The following TCAF1 variants were observed in gnomAD, a reference collection of about 807,000 sequenced individuals.
TCAF1 encodes the protein TRPM8 channel associated factor 1.
In TCAF1, 4 loss-of-function variants were observed where a neutral mutation model predicts 27.3. That is an observed-to-expected ratio of 0.15 (90% CI 0.07 to 0.34). The LOEUF (loss-of-function observed/expected upper bound fraction) is 0.34, where lower values mean the gene tolerates loss of function less well. Ranked by LOEUF, TCAF1 falls within the 10% of genes least tolerant of loss-of-function variation. The pLI, the probability that TCAF1 is intolerant of heterozygous loss-of-function variation, is 1.00. For synonymous variants in TCAF1, 105 were observed against 167.1 expected (o/e 0.63, Z 2.87); for missense variants, 257 against 425.8 (o/e 0.60, Z 3.49).
chr7:143,885,450 G>A (rs984233016), intron 1 of TCAF1: 1 of 985,428 alleles, frequency 1.0e-6, no homozygotes, highest in South Asian at 4.7e-5. Flanking sequence ...GACCGCAGAG[G>A]CCCGGCTTTG....
intron 2 of TCAF1, among the ~76,000 whole-genome samples, chr7:143,875,495 A>G (rs570474304): frequency 1.8e-4 from 28 of 152,108 alleles, no homozygotes; most frequent in South Asian, 1.0e-3. Context: ...TTTAGCACAT[A>G]TAACTTGAAC....
intron 1 of TCAF1, 56 bp downstream of exon 1, chr7:143,901,905 C>G (rs907988773): frequency 1.3e-5 from 2 of 152,252 alleles, no homozygotes; most frequent in Non-Finnish European, 2.9e-5. Flanking sequence ...ACGCCCGGCC[C>G]TCCCCAGACG....
rs563780021 is a variant in TCAF1 at position 143,892,126 on chromosome 7, T to C, written c.-15+9835A>G. Among the ~76,000 whole-genome samples, 5 of 152,200 alleles carry C rather than the reference T, an allele frequency of 3.3e-5. 1 individual carries two copies. The highest frequency in any genetic ancestry group is 9.6e-5 in the African/African-American group (4 of 41,558). On this transcript the variant is annotated intron_variant, in intron 1 of 8. Transcript: ENST00000479870. Reference sequence around the variant, plus strand: ...AATTTTTTATGAAAATTATTCCTCATAGAAGTACAGTGCTGTAGGAATTAA... The same window carrying C: ...AATTTTTTATGAAAATTATTCCTCACAGAAGTACAGTGCTGTAGGAATTAA...
intron 1 of TCAF1, among the ~76,000 whole-genome samples, chr7:143,892,932 C>T (rs1813712535): frequency 6.6e-6 from 1 of 152,124 alleles, no homozygotes; most frequent in Non-Finnish European, 1.5e-5. Context: ...TGTTGTTTAA[C>T]CACCAGTCTA....
At chr7:143,884,883 G>A in intron 1 of TCAF1, 1 of 493,436 alleles carries the variant, frequency 2.0e-6, no homozygotes. Context: ...TGCTGGTTAT[G>A]TTCCTGGAGA....
intron 6 of TCAF1, among the ~76,000 whole-genome samples, chr7:143,859,973 A>ATTAT (rs1563211760): frequency 2.7e-4 from 4 of 14,656 alleles, no homozygotes; most frequent in African/African-American, 5.7e-4. Context: ...TATATTATAT[A>ATTAT]ATATATATTA....
chr7:143,882,850 T>G, intron 1 of TCAF1: 1 of 985,450 alleles, frequency 1.0e-6, no homozygotes, highest in East Asian at 1.1e-4. Flanking sequence ...CGAGCCGGGA[T>G]TTGGGAGCGG....
chr7:143,876,066 A>G lies in TCAF1; in HGVS notation c.543T>C (p.Ile181=). 1 of 1,610,418 alleles carries G rather than the reference A, an allele frequency of 6.2e-7. No individual in the cohort carries two copies. Among genetic ancestry groups the G allele is most frequent in the Non-Finnish European group, 8.5e-7 (1 of 1,177,940 alleles). ...PGNLVTSVAG[I]YFTDNKGDTS... is the part of the protein sequence containing the mutation. ...TGTCCCCTTTGTTGTCAGTAAAGTA[A>G]ATGCCAGCCACACTGGTCACGAGGT... The change falls in exon 2 of 9, where the codon ATT becomes ATC. Residue 181 remains isoleucine, a synonymous_variant. Coordinates refer to ENST00000479870, the MANE Select transcript of TCAF1 (RefSeq NM_014719.3).
intron 1 of TCAF1, among the ~76,000 whole-genome samples, chr7:143,892,401 T>C (rs1274013053): frequency 6.6e-6 from 1 of 151,936 alleles, no homozygotes; most frequent in Non-Finnish European, 1.5e-5. Context: ...TTTAAAAAAT[T>C]ATAATTCAAA....
intron 1 of TCAF1, among the ~76,000 whole-genome samples, chr7:143,899,965 T>G (rs1586806529): frequency 6.6e-6 from 1 of 152,176 alleles, no homozygotes; most frequent in African/African-American, 2.4e-5. Context: ...TGACAAAAAA[T>G]GTAATTTTAC....
intron 1 of TCAF1, among the ~76,000 whole-genome samples, chr7:143,899,615 A>G (rs1814030238): frequency 6.6e-6 from 1 of 152,238 alleles, no homozygotes; most frequent in South Asian, 2.1e-4. Flanking sequence ...AGAAAGTACT[A>G]CTAACTTGAA....
intron 1 of TCAF1, among the ~76,000 whole-genome samples, chr7:143,895,615 C>G (rs1288168250): frequency 6.6e-6 from 1 of 151,638 alleles, no homozygotes; most frequent in Non-Finnish European, 1.5e-5. Flanking sequence ...GTGAACCTAA[C>G]TCTACGCACA....
intron 1 of TCAF1, chr7:143,885,586 A>G: frequency 1.0e-6 from 1 of 977,536 alleles, no homozygotes; most frequent in African/African-American, 1.7e-5. Flanking sequence ...CAAGGGAGCG[A>G]TGGATAAATA....
intron 2 of TCAF1, among the ~76,000 whole-genome samples, 192 bp downstream of exon 2, chr7:143,875,797 G>A (rs1325522697): frequency 6.6e-6 from 1 of 152,168 alleles, no homozygotes; most frequent in Non-Finnish European, 1.5e-5. Flanking sequence ...GGTCTGGTTT[G>A]GGAAGACAGG....
Position 143,860,274 on chromosome 7 carries a change from GT to G in TCAF1, c.2100del (p.Leu701TrpfsTer115). ...CGCAAAGGGAAGGGCTCAGCTCCCAGTCGCGCCACAGCCTGCATCACCTCAT... is the reference window on the plus strand; with the variant it reads ...CGCAAAGGGAAGGGCTCAGCTCCCAGCGCGCCACAGCCTGCATCACCTCAT... ...LWDEVMQAVA[R>X]LGAEPFPLRL... On this transcript the variant is annotated frameshift_variant, in exon 6 of 9. Transcript: ENST00000479870. LOFTEE classifies it high-confidence loss of function. 1 of 375,248 alleles carries G rather than the reference GT, an allele frequency of 2.7e-6. No homozygotes were observed. Among genetic ancestry groups the G allele is most frequent in the Non-Finnish European group, 4.6e-6 (1 of 216,164 alleles). 23.2% of individuals were successfully genotyped at this position (375,248 alleles called of 1,614,324 possible). A position where few individuals can be genotyped will look rare whatever the true frequency, so the allele number is the denominator to read the frequency against.
intron 1 of TCAF1, among the ~76,000 whole-genome samples, chr7:143,901,562 G>A (rs1442967664): frequency 6.6e-6 from 1 of 152,088 alleles, no homozygotes; most frequent in East Asian, 1.9e-4. Context: ...CTGCGCCCGT[G>A]GGCGCCTAGA....
At chr7:143,882,326 T>C (rs1366045781) in intron 1 of TCAF1, 2 of 894,454 alleles carry the variant, frequency 2.2e-6, no homozygotes, top group African/African-American at 1.8e-5. Context: ...AGGCCACAAG[T>C]AATGCTCTGT....
chr7:143,890,934 T>C (rs912772450), intron 1 of TCAF1, among the ~76,000 whole-genome samples: 7 of 152,226 alleles, frequency 4.6e-5, no homozygotes, highest in East Asian at 1.9e-4. Context: ...AGTGGTTATA[T>C]TGTTCTGAGA....
Position 143,852,463 on chromosome 7 carries a change from TG to T in TCAF1, c.*1669del, listed in dbSNP as rs1375018796. 1.3e-5 allele frequency: 2 copies of T among 153,184 alleles called. No homozygotes were observed. The highest frequency in any genetic ancestry group is 2.4e-5 in the African/African-American group (1 of 41,488). 9.5% of individuals were successfully genotyped at this position (153,184 alleles called of 1,614,324 possible). ...TTCCTGGTTTTCATCCTCATTTTGC[TG>T]GAGAATTTCCTCAAGATACTTCCTC... On this transcript the variant is annotated 3_prime_UTR_variant, in exon 9 of 9. Coordinates refer to ENST00000479870, the MANE Select transcript of TCAF1 (RefSeq NM_014719.3).
Sources: gnomAD v4.1 joint callset for allele counts (sites outside exome capture counted in the v4.1 genomes callset) on GRCh38, gnomAD v4.1.1 for gene constraint, MANE v1.5 for transcripts, NCBI Gene and HGNC (gene_info 2026-07-23, HGNC 2026-07-21) for gene names.